Variants in AKR1C8 observed in about 807,000 individuals in gnomAD.
AKR1C8 encodes the protein aldo-keto reductase family 1 member C8, also known as aldo-keto reductase family 1 member C-like protein 1.
At chr10:5,179,752 C>T in the AKR1C8 span, among the ~76,000 whole-genome samples, 1 of 152,142 alleles carries the variant, frequency 6.6e-6, no homozygotes, top group African/African-American at 2.4e-5. Flanking sequence ...ATCCTTTCTT[C>T]CAGTTGATTG....
the AKR1C8 span, among the ~76,000 whole-genome samples, chr10:5,141,912 G>A: frequency 2.6e-5 from 4 of 152,206 alleles, no homozygotes; most frequent in East Asian, 1.9e-4. Flanking sequence ...TAACACAAGA[G>A]TCAGCCTGTC....
the AKR1C8 span, among the ~76,000 whole-genome samples, chr10:5,127,800 C>T: frequency 6.7e-6 from 1 of 149,696 alleles, no homozygotes; most frequent in Non-Finnish European, 1.5e-5. Context: ...ACAGCCAAAC[C>T]TAAGAATAAC....
At chr10:5,164,918 C>T in the AKR1C8 span, among the ~76,000 whole-genome samples, 1 of 152,140 alleles carries the variant, frequency 6.6e-6, no homozygotes, top group African/African-American at 2.4e-5. Flanking sequence ...TCATGGCTAT[C>T]ATGTCTTCTG....
chr10:5,119,754 C>T, the AKR1C8 span, among the ~76,000 whole-genome samples: 4 of 152,114 alleles, frequency 2.6e-5, no homozygotes, highest in African/African-American at 9.7e-5. Context: ...CACTCAATAG[C>T]TCATGGTCAA....
At chr10:5,117,873 T>C in the AKR1C8 span, among the ~76,000 whole-genome samples, 8 of 152,172 alleles carry the variant, frequency 5.3e-5, no homozygotes, top group Admixed American at 6.6e-5. Flanking sequence ...AAGCCATTCA[T>C]GAGAGATCTG....
At chr10:5,160,746 T>A in the AKR1C8 span, 3 of 457,478 alleles carry the variant, frequency 6.6e-6, no homozygotes. Context: ...CCATCTCTTC[T>A]GACCCCTCCT....
chr10:5,156,141 C>G, the AKR1C8 span, among the ~76,000 whole-genome samples: 6 of 152,166 alleles, frequency 3.9e-5, no homozygotes. Context: ...TTCCTCACTT[C>G]CCGTGGAACC....
the AKR1C8 span, among the ~76,000 whole-genome samples, chr10:5,136,276 G>A: frequency 7.9e-5 from 12 of 152,076 alleles, no homozygotes; most frequent in African/African-American, 1.2e-4. Flanking sequence ...GGCCAGACAC[G>A]TTGGCTCACA....
At chr10:5,154,760 C>G in the AKR1C8 span, 1 of 152,360 alleles carries the variant, frequency 6.6e-6, no homozygotes, top group African/African-American at 2.4e-5. Flanking sequence ...TCCCCTGCTT[C>G]TAAACTTTCC....
chr10:5,177,081 T>A, the AKR1C8 span, among the ~76,000 whole-genome samples: 1 of 152,112 alleles, frequency 6.6e-6, no homozygotes, highest in Non-Finnish European at 1.5e-5. Context: ...TGCTTCCAGT[T>A]TTTGCCCATT....
the AKR1C8 span, among the ~76,000 whole-genome samples, chr10:5,119,261 G>A: frequency 2.6e-5 from 4 of 152,308 alleles, no homozygotes; most frequent in Non-Finnish European, 4.4e-5. Context: ...GCCAGAACAT[G>A]GGTAGATGAT....
At chr10:5,180,395 C>A in the AKR1C8 span, among the ~76,000 whole-genome samples, 1 of 152,200 alleles carries the variant, frequency 6.6e-6, no homozygotes, top group African/African-American at 2.4e-5. Flanking sequence ...CTGGGGGCTG[C>A]CTCCCAGTTA....
the AKR1C8 span, among the ~76,000 whole-genome samples, chr10:5,173,251 A>G: frequency 1.3e-5 from 2 of 152,170 alleles, no homozygotes; most frequent in Non-Finnish European, 2.9e-5. Flanking sequence ...GAAGAGAAAA[A>G]TATAAAAGCC....
the AKR1C8 span, among the ~76,000 whole-genome samples, chr10:5,159,616 C>T: frequency 6.6e-6 from 1 of 152,142 alleles, no homozygotes. Flanking sequence ...TGTATCTCCA[C>T]CTGGACCATC....
the AKR1C8 span, among the ~76,000 whole-genome samples, chr10:5,131,357 G>T: frequency 1.3e-5 from 2 of 151,998 alleles, no homozygotes; most frequent in African/African-American, 4.8e-5. Flanking sequence ...AAATAATTCT[G>T]CACAGCAAAA....
At chr10:5,166,734 A>G in the AKR1C8 span, among the ~76,000 whole-genome samples, 1 of 152,172 alleles carries the variant, frequency 6.6e-6, no homozygotes, top group South Asian at 2.1e-4. Context: ...ATGGGCAAGG[A>G]CTTCATGTCT....
the AKR1C8 span, among the ~76,000 whole-genome samples, chr10:5,151,747 G>A: frequency 1.3e-5 from 2 of 151,936 alleles, no homozygotes; most frequent in East Asian, 3.9e-4. Context: ...AGTAGAGATG[G>A]GATTTCACCA....
the AKR1C8 span, among the ~76,000 whole-genome samples, chr10:5,163,754 G>C: frequency 2.0e-5 from 3 of 152,068 alleles, no homozygotes; most frequent in African/African-American, 7.2e-5. Flanking sequence ...AAAAGACAAA[G>C]GCCCAACATA....
chr10:5,158,234 A>G, the AKR1C8 span, among the ~76,000 whole-genome samples: 1 of 152,110 alleles, frequency 6.6e-6, no homozygotes, highest in Non-Finnish European at 1.5e-5. Context: ...TCTCAGAAGG[A>G]AAAAAAATAA....
Sources: gnomAD v4.1 joint callset for allele counts (sites outside exome capture counted in the v4.1 genomes callset) on GRCh38, gnomAD v4.1.1 for gene constraint, MANE v1.5 for transcripts, NCBI Gene and HGNC (gene_info 2026-07-23, HGNC 2026-07-21) for gene names.